The following CHFR variants were observed in gnomAD, a reference collection of about 807,000 sequenced individuals.
CHFR encodes the protein E3 ubiquitin-protein ligase CHFR.
Under a neutral mutation model 87.6 loss-of-function variants are expected in CHFR, and 57 were observed. That is an observed-to-expected ratio of 0.65 (90% CI 0.53 to 0.81). CHFR has a LOEUF of 0.81. Ranked by LOEUF, CHFR falls within the 30% of genes least tolerant of loss-of-function variation. The probability of loss-of-function intolerance (pLI) is 0.00; values close to 1 mark genes in which losing one functional copy is unlikely to be tolerated. For missense variants in CHFR, 797 were observed against 865.8 expected (o/e 0.92, Z 1.00); for synonymous variants, 381 against 359.2 (o/e 1.06, Z -0.69).
At position 132,869,761 on chromosome 12, in the gene CHFR, G is replaced by A. The variant is rs547367271; in HGVS notation, c.441C>T (p.Pro147=). 24 of 1,551,362 alleles carry A rather than the reference G, an allele frequency of 1.5e-5. No homozygotes were observed. The African/African-American group carries it at 3.3e-4, about 21-fold the overall frequency. The part of the protein sequence containing the change: ...SGAGAGRGAD[P]RVPPSSPATQ... ...TGGCGGGCGACGACGGAGGGACCCG[G>A]GGATCGGCCCCTCGCCCTGCACCTG... Residue 147 remains proline (P), a synonymous_variant, in exon 6 of 18, where the codon CCC becomes CCT. Transcript: ENST00000450056.
intron 15 of CHFR, among the ~76,000 whole-genome samples, chr12:132,846,805 A>T (rs1459233694): frequency 6.6e-6 from 1 of 152,140 alleles, no homozygotes. Context: ...GCTTGAACCC[A>T]GGAGGCCGAG....
At chr12:132,869,344 C>T (rs1361762370) in intron 6 of CHFR, among the ~76,000 whole-genome samples, 1 of 152,098 alleles carries the variant, frequency 6.6e-6, no homozygotes, top group Admixed American at 6.5e-5. Context: ...CTAAAATCCA[C>T]TGAAATGTAC....
At chr12:132,870,821 C>A (rs750067972) in intron 4 of CHFR, 38 bp from the exon 5 acceptor site, 2 of 1,352,852 alleles carry the variant, frequency 1.5e-6, no homozygotes, top group Non-Finnish European at 1.1e-6. Context: ...AGTGGTGGCC[C>A]CTGTGCAAAC....
chr12:132,847,369 A>G (rs138360531), intron 14 of CHFR: 13 of 1,194,960 alleles, frequency 1.1e-5, no homozygotes, highest in Non-Finnish European at 1.3e-5. Flanking sequence ...AGTCTCTCAA[A>G]AGTTCTGCCA....
intron 7 of CHFR, among the ~76,000 whole-genome samples, chr12:132,860,519 C>A (rs751655100): frequency 6.6e-6 from 1 of 152,178 alleles, no homozygotes; most frequent in Non-Finnish European, 1.5e-5. Flanking sequence ...GTCAGATAAC[C>A]TAATTTCTTT....
rs76408131 is a variant in CHFR at position 132,885,767 on chromosome 12, G to A, written c.133+1429C>T. 1.5e-3 allele frequency among the ~76,000 whole-genome samples: 226 copies of A among 152,276 alleles called. 3 individuals are homozygous for A. Among genetic ancestry groups the A allele is most frequent in the Non-Finnish European group, 1.5e-3 (100 of 68,038 alleles). On this transcript the variant is annotated intron_variant, in intron 2 of 17. Transcript: ENST00000450056. ...GCAAATCTATGAAGTAGGTACATAG[G>A]CGCAGAAAGATGTCGTTAGCCCAGA...
chr12:132,863,109 G>A (rs1197800660), intron 6 of CHFR, among the ~76,000 whole-genome samples: 1 of 148,846 alleles, frequency 6.7e-6, no homozygotes, highest in Non-Finnish European at 1.5e-5. Flanking sequence ...TGTTAGCCAG[G>A]ATGGTCTCGA....
chr12:132,879,762 A>C (rs1951723662), intron 2 of CHFR, among the ~76,000 whole-genome samples: 1 of 152,224 alleles, frequency 6.6e-6, no homozygotes, highest in Non-Finnish European at 1.5e-5. Flanking sequence ...AAGGCGTTTT[A>C]ATATCTCATC....
At chr12:132,853,385 A>G (rs1274684976) in intron 11 of CHFR, 46 bp downstream of exon 11, 44 of 1,452,076 alleles carry the variant, frequency 3.0e-5, no homozygotes, top group Non-Finnish European at 3.4e-5. Context: ...GCACAGCCAC[A>G]AAGTGACTCA....
chr12:132,841,683 C>A, intron 17 of CHFR, 87 bp from the exon 18 acceptor site: 2 of 1,050,204 alleles, frequency 1.9e-6, no homozygotes, highest in South Asian at 1.3e-5. Context: ...GAAAGGCATT[C>A]AAATAAACGC....
Position 132,861,842 on chromosome 12 carries a change from G to A in CHFR, c.584-208C>T. ...CTATCTCTACGTGGGGTGGAGCTGGGGGCAAGGAGCCCATTTGCAGAGAAA... is the reference window on the plus strand; with the variant it reads ...CTATCTCTACGTGGGGTGGAGCTGGAGGCAAGGAGCCCATTTGCAGAGAAA... On this transcript the variant is annotated intron_variant, in intron 6 of 17. Transcript: ENST00000450056. 6 of 545,162 alleles carry A rather than the reference G, an allele frequency of 1.1e-5. No homozygotes were observed. The South Asian group carries it at 1.5e-4, about 13-fold the overall frequency. The allele number at this position is 545,162 out of a possible 1,614,324, so 33.8% of individuals were successfully genotyped here. A position where few individuals can be genotyped will look rare whatever the true frequency, so the allele number is the denominator to read the frequency against.
intron 3 of CHFR, among the ~76,000 whole-genome samples, chr12:132,876,340 A>C (rs1440115835): frequency 6.6e-6 from 1 of 152,220 alleles, no homozygotes; most frequent in Non-Finnish European, 1.5e-5. Flanking sequence ...GAATGTCCCT[A>C]ATCAGAAATG....
intron 2 of CHFR, among the ~76,000 whole-genome samples, chr12:132,878,595 A>G (rs6560909): frequency 0.96 from 146,324 of 151,982 alleles, 70,675 homozygotes; most frequent in East Asian, 1. Context: ...CGAGGCGGGC[A>G]GATCACAAGG....
chr12:132,862,410 C>G (rs1159355477), intron 6 of CHFR: 2 of 448,898 alleles, frequency 4.5e-6, no homozygotes, highest in Non-Finnish European at 4.5e-6. Context: ...CTGGGCAACA[C>G]AGCAAGGCAC....
In CHFR at chr12:132,851,622, C is replaced by T. The variant is rs1346472721; in HGVS notation, c.1488G>A (p.Gln496=). The T allele has an allele frequency of 6.2e-7, 1 of 1,610,706 alleles. No individual in the cohort carries two copies. Among genetic ancestry groups the T allele is most frequent in the Non-Finnish European group, 8.5e-7 (1 of 1,179,064 alleles). Residue 496 remains glutamine (Q), a synonymous_variant, in exon 12 of 18, where the codon CAG becomes CAA. Coordinates refer to ENST00000450056, the MANE Select transcript of CHFR (RefSeq NM_001161346.2). ...EREQDPRVAP[Q]QCAVCLQPFC... ...TGCGGTGGCGCGGGCACTCACACTG[C>T]TGAGGGGCGACACGCGGGTCCTGCT...
chr12:132,866,251 C>G (rs1341357186), intron 6 of CHFR: 1 of 152,228 alleles, frequency 6.6e-6, no homozygotes. Context: ...CCAGGTGAGT[C>G]CCGAAATCAC....
At chr12:132,882,178 G>C (rs557936838) in intron 2 of CHFR, among the ~76,000 whole-genome samples, 2 of 152,276 alleles carry the variant, frequency 1.3e-5, no homozygotes, top group East Asian at 3.9e-4. Context: ...ACAAGCCATG[G>C]TGCATCCAAA....
In CHFR at chr12:132,839,919, C is replaced by G. The variant is rs1950680632; in HGVS notation, c.*1635G>C. On this transcript the variant is annotated 3_prime_UTR_variant, in exon 18 of 18. Transcript: ENST00000450056. ...GCCTCACCCCTGCACAAACTTGGGA[C>G]CTCCCCCTTAGCCTCGCCCCTGCAC... 6.6e-6 allele frequency: 1 copy of G among 151,028 alleles called. No individual in the cohort carries two copies. The highest frequency in any genetic ancestry group is 1.4e-5 in the Non-Finnish European group (1 of 72,174). 9.4% of individuals were successfully genotyped at this position (151,028 alleles called of 1,614,324 possible).
At chr12:132,860,989 A>C (rs1016678286) in intron 7 of CHFR, among the ~76,000 whole-genome samples, 1 of 152,130 alleles carries the variant, frequency 6.6e-6, no homozygotes, top group Non-Finnish European at 1.5e-5. Flanking sequence ...CTGACCTCAG[A>C]TGATCCGTCC....
Sources: gnomAD v4.1 joint callset for allele counts (sites outside exome capture counted in the v4.1 genomes callset) on GRCh38, gnomAD v4.1.1 for gene constraint, MANE v1.5 for transcripts, NCBI Gene and HGNC (gene_info 2026-07-23, HGNC 2026-07-21) for gene names.